The following ERI1 variants were observed in gnomAD, a reference collection of about 807,000 sequenced individuals.
The protein encoded by ERI1 is 3'-5' exoribonuclease 1.
In ERI1, 39 loss-of-function variants were observed where a neutral mutation model predicts 39.7. That is an observed-to-expected ratio of 0.98 (90% confidence interval 0.76 to 1.28). The LOEUF is 1.28. ERI1 is among the 50% of genes most tolerant of loss of function. The pLI is 0.00. For missense variants in ERI1, 581 were observed against 416.9 expected, an observed-to-expected ratio of 1.39 and a Z score of -3.43; for synonymous variants, 204 against 149.6, an observed-to-expected ratio of 1.36 and a Z score of -2.65.
intron 3 of ERI1, among the ~76,000 whole-genome samples, chr8:9,087,008 C>G (rs1276211741): frequency 6.6e-6 from 1 of 151,992 alleles, no homozygotes; most frequent in South Asian, 2.1e-4. Flanking sequence ...TGACCTCCTT[C>G]TCACCTTCTC....
intron 3 of ERI1, among the ~76,000 whole-genome samples, chr8:9,095,055 C>G (rs1361669182): frequency 6.6e-6 from 1 of 152,160 alleles, no homozygotes; most frequent in Admixed American, 6.5e-5. Context: ...CTGGCAGTTG[C>G]AACAGCTTTA....
In ERI1 at chr8:9,031,547, A is replaced by G. The variant is rs1035731615; in HGVS notation, c.*1513A>G. ...GAGATGTTTGTGCATCCCAGATAGC[A>G]CTGTACAATAACCTGTAAAGTATTA... On this transcript the variant is annotated 3_prime_UTR_variant, in exon 7 of 7. Transcript: ENST00000250263. 6.6e-6 allele frequency: 1 copy of G among 152,210 alleles called. No homozygotes were observed. Among genetic ancestry groups the G allele is most frequent in the Non-Finnish European group, 1.5e-5 (1 of 68,034 alleles). 9.4% of individuals were successfully genotyped at this position (152,210 alleles called of 1,614,324 possible). A position where few individuals can be genotyped will look rare whatever the true frequency, so the allele number is the denominator to read the frequency against.
chr8:9,081,690 GT>G (rs10701231), intron 3 of ERI1, among the ~76,000 whole-genome samples: 4 of 146,736 alleles, frequency 2.7e-5, no homozygotes, highest in Non-Finnish European at 4.5e-5. Flanking sequence ...TTTTGTTTTT[GT>G]TTTTTTTTGG....
At chr8:9,029,638 T>TC (rs1797443750) in intron 6 of ERI1, among the ~76,000 whole-genome samples, 154 bp from the exon 7 acceptor site, 1 of 152,200 alleles carries the variant, frequency 6.6e-6, no homozygotes, top group African/African-American at 2.4e-5. Flanking sequence ...GCCTGAATTT[T>TC]TTATTTGCCT....
chr8:9,085,768 C>T (rs994574649), intron 3 of ERI1, among the ~76,000 whole-genome samples: 4 of 151,940 alleles, frequency 2.6e-5, no homozygotes, highest in African/African-American at 9.7e-5. Context: ...GAATATGTGA[C>T]GCTAATTTAT....
chr8:9,078,330 C>CT (rs112344131), intron 3 of ERI1, among the ~76,000 whole-genome samples: 10,093 of 146,296 alleles, frequency 0.069, 417 homozygotes, highest in African/African-American at 0.11. Flanking sequence ...CTGTATAGCA[C>CT]TTTTTTTTTT....
At position 9,009,883 on chromosome 8, in the gene ERI1, A is replaced by G. The variant is rs566000345; in HGVS notation, c.288-1659A>G. On this transcript the variant is annotated intron_variant, in intron 2 of 6. Transcript: ENST00000250263. ...CTGCAGTACACAGTATACCTCAGGA[A>G]CATGTGACAATGATAGTGAAATGAT... 2.0e-5 allele frequency among the ~76,000 whole-genome samples: 3 copies of G among 152,214 alleles called. No individual in the cohort carries two copies. The South Asian group carries it at 6.2e-4, about 32-fold the overall frequency.
chr8:9,041,370 T>C (rs1259812324), intron 3 of ERI1, among the ~76,000 whole-genome samples: 1 of 152,072 alleles, frequency 6.6e-6, no homozygotes, highest in Non-Finnish European at 1.5e-5. Context: ...AAATCAGGTG[T>C]GTTGAGGCAT....
intron 3 of ERI1, chr8:9,091,585 A>T (rs1291945016): frequency 6.6e-6 from 1 of 152,154 alleles, no homozygotes. Context: ...TTTGCATTTC[A>T]ATGTCAAACA....
At chr8:9,036,388 A>T (rs993651565), downstream of ERI1, among the ~76,000 whole-genome samples, 15 of 152,348 alleles carry the variant, frequency 9.8e-5, no homozygotes, top group African/African-American at 3.4e-4. Context: ...AGTAGCCCTC[A>T]ACGTTTGAGG....
rs1797608674 is a variant in ERI1 at position 9,031,807 on chromosome 8, G to C, written c.*1773G>C. On this transcript the variant is annotated 3_prime_UTR_variant, in exon 7 of 7. Coordinates refer to ENST00000250263, the MANE Select transcript of ERI1 (RefSeq NM_153332.4). Reference sequence around the variant, plus strand: ...GAGTTTTTGCTCGTCTGCCAGGATGGAGTGCAGTGGTGCGATCTTGGCTCA... The same window carrying C: ...GAGTTTTTGCTCGTCTGCCAGGATGCAGTGCAGTGGTGCGATCTTGGCTCA... 6.6e-6 allele frequency: 1 copy of C among 152,230 alleles called. No homozygotes were observed. The highest frequency in any genetic ancestry group is 6.5e-5 in the Admixed American group (1 of 15,276). 9.4% of individuals were successfully genotyped at this position (152,230 alleles called of 1,614,324 possible).
At position 9,029,757 on chromosome 8, in the gene ERI1, C is replaced by G. The variant is rs769972269; in HGVS notation, c.808-35C>G. On this transcript the variant is annotated intron_variant, in intron 6 of 6. Transcript: ENST00000250263. Reference sequence around the variant, plus strand: ...GTGGCTTATATTACAGTTTAGAACACCAAAGAATTATTTACTAAGCTGTTT... The same window carrying G: ...GTGGCTTATATTACAGTTTAGAACAGCAAAGAATTATTTACTAAGCTGTTT... 9.3e-6 allele frequency: 15 copies of G among 1,612,122 alleles called. No homozygotes were observed. The Middle Eastern group carries it at 5.0e-4, about 53-fold the overall frequency.
chr8:9,034,949 A>C (rs1797795068), downstream of ERI1, among the ~76,000 whole-genome samples: 1 of 152,240 alleles, frequency 6.6e-6, no homozygotes, highest in African/African-American at 2.4e-5. Context: ...AGAAAGTTTT[A>C]GTGGTGTGGA....
intron 3 of ERI1, chr8:9,049,959 A>C (rs1293288201): frequency 6.6e-6 from 1 of 152,182 alleles, no homozygotes; most frequent in Non-Finnish European, 1.5e-5. Flanking sequence ...CTGTTGATTC[A>C]TTTGGCTAGG....
chr8:9,041,761 T>A (rs962745540), intron 3 of ERI1, among the ~76,000 whole-genome samples: 1 of 152,124 alleles, frequency 6.6e-6, no homozygotes, highest in Non-Finnish European at 1.5e-5. Flanking sequence ...TTAGACAGAG[T>A]TTCGCTGTTG....
downstream of ERI1, among the ~76,000 whole-genome samples, chr8:9,037,704 T>C (rs1002400654): frequency 1.3e-5 from 2 of 152,168 alleles, no homozygotes; most frequent in African/African-American, 4.8e-5. Flanking sequence ...GTTACTGTTT[T>C]GGCAGAGTTA....
intron 1 of ERI1, among the ~76,000 whole-genome samples, chr8:9,006,862 T>A (rs1263437657): frequency 6.6e-6 from 1 of 152,122 alleles, no homozygotes; most frequent in African/African-American, 2.4e-5. Flanking sequence ...ATTGAGAGCT[T>A]AGAGTAAGAA....
At chr8:9,062,867 TTGGCCCAGTGGCCAGATTTC>T (rs1316950501) in intron 3 of ERI1, 1 of 152,046 alleles carries the variant, frequency 6.6e-6, no homozygotes, top group Admixed American at 6.6e-5. Flanking sequence ...TGGGCATTCC[TTGGCCCAGTGGCCAGATTTC>T]TGGCACTTGT....
At chr8:9,034,627 G>A (rs530497911), downstream of ERI1, among the ~76,000 whole-genome samples, 164 of 151,980 alleles carry the variant, frequency 1.1e-3, 1 homozygote, top group Non-Finnish European at 2.0e-3. Context: ...TTTCCCCATC[G>A]CTCCCTCTCC....
Sources: gnomAD v4.1 joint callset for allele counts (sites outside exome capture counted in the v4.1 genomes callset) on GRCh38, gnomAD v4.1.1 for gene constraint, MANE v1.5 for transcripts, NCBI Gene and HGNC (gene_info 2026-07-23, HGNC 2026-07-21) for gene names.